Variants in PRKCA observed in about 807,000 individuals in gnomAD.
The protein encoded by PRKCA is protein kinase C alpha type.
Under a neutral mutation model 87.0 loss-of-function variants are expected in PRKCA, and 27 were observed. The ratio of observed to expected loss-of-function variants is 0.31; its 90% CI spans 0.23 to 0.43. The LOEUF (loss-of-function observed/expected upper bound fraction) is 0.43, where lower values mean the gene tolerates loss of function less well. Ranked by LOEUF, PRKCA falls within the 20% of genes least tolerant of loss-of-function variation. The pLI is 1.00. For synonymous variants in PRKCA, 329 were observed against 311.1 expected (o/e 1.06, Z -0.61); for missense variants, 518 against 852.3 (o/e 0.61, Z 4.88).
intron 2 of PRKCA, among the ~76,000 whole-genome samples, chr17:66,384,175 A>G (rs138896099): frequency 6.6e-6 from 1 of 152,264 alleles, no homozygotes; most frequent in East Asian, 1.9e-4. Context: ...TTCTGCCCGC[A>G]CTTTAGGGCC....
chr17:66,587,287 A>ATG (rs1969625807), intron 3 of PRKCA, among the ~76,000 whole-genome samples: 1 of 152,158 alleles, frequency 6.6e-6, no homozygotes, highest in Non-Finnish European at 1.5e-5. Flanking sequence ...CCCAAAGTTG[A>ATG]TGTGCAGTGT....
intron 3 of PRKCA, among the ~76,000 whole-genome samples, chr17:66,524,673 T>A (rs1440097429): frequency 6.6e-6 from 1 of 152,168 alleles, no homozygotes; most frequent in Non-Finnish European, 1.5e-5. Flanking sequence ...GTGCCCTGGG[T>A]ATCCAGCAGT....
At chr17:66,544,153 G>A (rs1968078653) in intron 3 of PRKCA, among the ~76,000 whole-genome samples, 1 of 152,142 alleles carries the variant, frequency 6.6e-6, no homozygotes, top group South Asian at 2.1e-4. Context: ...GAACCCGGGA[G>A]GTGGAGACTG....
intron 3 of PRKCA, among the ~76,000 whole-genome samples, chr17:66,532,954 A>C (rs996901644): frequency 1.3e-5 from 2 of 151,976 alleles, no homozygotes; most frequent in Non-Finnish European, 2.9e-5. Flanking sequence ...CAAAACAGAC[A>C]CGTTTGCTTC....
chr17:66,378,555 A>G (rs1909606174), intron 2 of PRKCA, among the ~76,000 whole-genome samples: 1 of 152,156 alleles, frequency 6.6e-6, no homozygotes, highest in African/African-American at 2.4e-5. Flanking sequence ...GGCAACCATG[A>G]ATCTACTTTC....
chr17:66,331,654 C>T (rs982007860), intron 2 of PRKCA, among the ~76,000 whole-genome samples: 1 of 152,068 alleles, frequency 6.6e-6, no homozygotes, highest in Non-Finnish European at 1.5e-5. Context: ...TGCTTCAGCT[C>T]AAAAACACTT....
chr17:66,484,985 G>A (rs1915936323), intron 2 of PRKCA, among the ~76,000 whole-genome samples: 1 of 141,944 alleles, frequency 7.0e-6, no homozygotes, highest in African/African-American at 2.5e-5. Flanking sequence ...AAAAGCAGGA[G>A]ATAAAGGAGG....
chr17:66,783,664 C>T (rs1489252998), intron 14 of PRKCA, among the ~76,000 whole-genome samples: 1 of 152,222 alleles, frequency 6.6e-6, no homozygotes, highest in Non-Finnish European at 1.5e-5. Flanking sequence ...GGGGTGGCTG[C>T]AGCTGCATTG....
intron 2 of PRKCA, among the ~76,000 whole-genome samples, chr17:66,389,001 C>T (rs1420622417): frequency 6.6e-6 from 1 of 152,182 alleles, no homozygotes; most frequent in African/African-American, 2.4e-5. Context: ...ATCGTGAATT[C>T]GTGGACATTG....
chr17:66,560,138 T>C (rs926079381), intron 3 of PRKCA, among the ~76,000 whole-genome samples: 5 of 152,204 alleles, frequency 3.3e-5, no homozygotes, highest in Non-Finnish European at 5.9e-5. Context: ...ATTGGAGAGC[T>C]GATGGGGGTG....
intron 3 of PRKCA, among the ~76,000 whole-genome samples, chr17:66,567,151 A>G (rs1181198014): frequency 6.6e-6 from 1 of 152,192 alleles, no homozygotes; most frequent in Non-Finnish European, 1.5e-5. Flanking sequence ...TATACATGAT[A>G]TGGGGAACTT....
At chr17:66,457,616 G>A (rs141491006) in intron 2 of PRKCA, among the ~76,000 whole-genome samples, 2,167 of 152,154 alleles carry the variant, frequency 0.014, 56 homozygotes, top group African/African-American at 0.05. Context: ...GAATCATGGG[G>A]GTAGTTACCT....
chr17:66,446,768 G>A (rs1914059323), intron 2 of PRKCA, among the ~76,000 whole-genome samples: 1 of 152,136 alleles, frequency 6.6e-6, no homozygotes, highest in Non-Finnish European at 1.5e-5. Context: ...GTGTACCCCT[G>A]GGCTGCAGTG....
intron 3 of PRKCA, among the ~76,000 whole-genome samples, chr17:66,567,375 T>C (rs568238965): frequency 6.6e-6 from 1 of 152,260 alleles, no homozygotes; most frequent in South Asian, 2.1e-4. Flanking sequence ...GGCTTCTGTG[T>C]GGCGACCGAG....
chr17:66,780,655 T>C (rs946368104), intron 14 of PRKCA, among the ~76,000 whole-genome samples: 4 of 149,872 alleles, frequency 2.7e-5, no homozygotes, highest in Non-Finnish European at 5.9e-5. Flanking sequence ...CTAGCCTGGG[T>C]GACAGGCAAG....
chr17:66,759,034 A>G (rs1027415965), intron 13 of PRKCA, among the ~76,000 whole-genome samples: 1 of 152,146 alleles, frequency 6.6e-6, no homozygotes, highest in African/African-American at 2.4e-5. Flanking sequence ...TACTTTCACT[A>G]TGCATGAAGT....
intron 5 of PRKCA, among the ~76,000 whole-genome samples, chr17:66,684,299 A>T (rs1479727528): frequency 6.6e-6 from 1 of 152,186 alleles, no homozygotes; most frequent in Admixed American, 6.5e-5. Flanking sequence ...TGCTTGAAGG[A>T]GATATAATTT....
rs1487915711 is a variant in PRKCA at position 66,735,402 on chromosome 17, C to T, written c.1057-87C>T. ...ATTGACAAAGGTGCACAAACTGTCACTGAGCCGTCACCTGGCCTGGTTCCT... is the reference window on the plus strand; with the variant it reads ...ATTGACAAAGGTGCACAAACTGTCATTGAGCCGTCACCTGGCCTGGTTCCT... On this transcript the variant is annotated intron_variant, in intron 9 of 16. Transcript: ENST00000413366. 3 of 1,400,792 alleles carry T rather than the reference C, an allele frequency of 2.1e-6. No individual in the cohort carries two copies. The East Asian group carries it at 6.9e-5, about 32-fold the overall frequency. The allele number at this position is 1,400,792 out of a possible 1,614,324, so 86.8% of individuals were successfully genotyped here. A position where few individuals can be genotyped will look rare whatever the true frequency, so the allele number is the denominator to read the frequency against.
chr17:66,687,235 A>G lies in PRKCA; in HGVS notation c.654A>G (p.Thr218=), dbSNP rs878920415. The G allele has an allele frequency of 9.3e-6, 15 of 1,614,146 alleles. No homozygotes were observed. The highest frequency in any genetic ancestry group is 1.2e-5 in the Non-Finnish European group (14 of 1,180,020). Residue 218 remains threonine, a synonymous_variant, in exon 6 of 17, where the codon ACA becomes ACG. Transcript: ENST00000413366. ...AAAAAACCAAAACCATCCGCTCCAC[A>G]CTAAATCCGCAGTGGAATGAGTCCT... is the stretch of plus-strand genomic sequence containing the variant. ...SKQKTKTIRS[T]LNPQWNESFT...
Sources: gnomAD v4.1 joint callset for allele counts (sites outside exome capture counted in the v4.1 genomes callset) on GRCh38, gnomAD v4.1.1 for gene constraint, MANE v1.5 for transcripts, NCBI Gene and HGNC (gene_info 2026-07-23, HGNC 2026-07-21) for gene names.